The following HAPLN1 variants were observed in gnomAD, a reference collection of about 807,000 sequenced individuals.
HAPLN1 encodes Cartilage link protein.
A neutral mutation model predicts 36.5 loss-of-function variants in HAPLN1; 13 were observed. The observed-to-expected ratio is 0.36, with a 90% confidence interval of 0.23 to 0.57. The LOEUF is 0.57. HAPLN1 is among the 20% of genes least tolerant of loss of function. The pLI is 0.83. For missense variants in HAPLN1, 407 were observed against 439.7 expected (o/e 0.93, Z 0.66); for synonymous variants, 202 against 169.8 (o/e 1.19, Z -1.48).
chr5:83,709,110 C>T (rs953325930), intron 1 of HAPLN1, among the ~76,000 whole-genome samples: 4 of 152,150 alleles, frequency 2.6e-5, no homozygotes, highest in Non-Finnish European at 4.4e-5. Flanking sequence ...AACTCCAGAC[C>T]TCCCAAAGTG....
intron 1 of HAPLN1, among the ~76,000 whole-genome samples, chr5:83,675,116 G>A (rs28394217): frequency 0.053 from 8,093 of 152,092 alleles, 363 homozygotes; most frequent in East Asian, 0.17. Flanking sequence ...TGTTGTTGTT[G>A]TTGGTTGTTT....
At chr5:83,646,158 T>A (rs1028002774) in intron 3 of HAPLN1, among the ~76,000 whole-genome samples, 1 of 152,204 alleles carries the variant, frequency 6.6e-6, no homozygotes, top group Non-Finnish European at 1.5e-5. Context: ...GAAAGCAAAG[T>A]TGCATCACTT....
intron 1 of HAPLN1, among the ~76,000 whole-genome samples, chr5:83,702,876 T>A (rs73133899): frequency 2.1e-3 from 320 of 152,292 alleles, no homozygotes; most frequent in African/African-American, 7.4e-3. Context: ...CACACTTGAC[T>A]AATTTTTGCA....
At chr5:83,702,359 C>T (rs6898218) in intron 1 of HAPLN1, among the ~76,000 whole-genome samples, 150,941 of 152,354 alleles carry the variant, frequency 0.99, 74,782 homozygotes, top group East Asian at 1. Flanking sequence ...AACTTAAAAT[C>T]ACATTAGATA....
chr5:83,671,318 A>G (rs1580138922), intron 2 of HAPLN1, among the ~76,000 whole-genome samples: 1 of 152,332 alleles, frequency 6.6e-6, no homozygotes, highest in East Asian at 1.9e-4. Flanking sequence ...TTCCATCACT[A>G]ACAGAAGCTC....
At chr5:83,665,069 C>T (rs1391868988) in intron 2 of HAPLN1, among the ~76,000 whole-genome samples, 1 of 151,334 alleles carries the variant, frequency 6.6e-6, no homozygotes, top group East Asian at 1.9e-4. Flanking sequence ...TAATTGACAA[C>T]ATTTTTCAAG....
chr5:83,645,320 C>A (rs945073113), intron 3 of HAPLN1, among the ~76,000 whole-genome samples: 7 of 151,974 alleles, frequency 4.6e-5, no homozygotes, highest in Admixed American at 1.3e-4. Flanking sequence ...TTAGGGGGGA[C>A]TCTTATTTGG....
At chr5:83,662,183 G>A (rs532375306) in intron 2 of HAPLN1, among the ~76,000 whole-genome samples, 21 of 152,162 alleles carry the variant, frequency 1.4e-4, no homozygotes, top group Non-Finnish European at 2.1e-4. Context: ...GATTACAGGC[G>A]TGAACCACCA....
intron 4 of HAPLN1, 95 bp from the exon 5 acceptor site, chr5:83,641,880 G>A (rs1002685836): frequency 1.6e-6 from 2 of 1,264,318 alleles, no homozygotes; most frequent in Non-Finnish European, 2.2e-6. Flanking sequence ...CTCAATGAAG[G>A]GGGATATAGA....
chr5:83,650,674 G>A (rs1414073217), intron 3 of HAPLN1, among the ~76,000 whole-genome samples: 4 of 132,782 alleles, frequency 3.0e-5, no homozygotes, highest in East Asian at 4.4e-4. Flanking sequence ...TTGCTCTGTC[G>A]CCCAGGCTGG....
At chr5:83,680,483 C>T (rs1327861210) in intron 1 of HAPLN1, among the ~76,000 whole-genome samples, 1 of 152,104 alleles carries the variant, frequency 6.6e-6, no homozygotes, top group Non-Finnish European at 1.5e-5. Context: ...TAGGTATTCT[C>T]ACTATCTACT....
intron 1 of HAPLN1, among the ~76,000 whole-genome samples, chr5:83,699,940 A>T (rs1751469169): frequency 6.6e-6 from 1 of 152,184 alleles, no homozygotes; most frequent in African/African-American, 2.4e-5. Context: ...TCACACCTGT[A>T]ATCTCAGCAC....
chr5:83,692,286 C>A (rs970985298), intron 1 of HAPLN1, among the ~76,000 whole-genome samples: 2 of 151,732 alleles, frequency 1.3e-5, no homozygotes, highest in South Asian at 2.1e-4. Context: ...AGAATTTCAG[C>A]AAATATTCTA....
chr5:83,678,220 G>GTGTGTGTGTGTGTGTGT (rs1554049527), intron 1 of HAPLN1, among the ~76,000 whole-genome samples: 337 of 142,634 alleles, frequency 2.4e-3, no homozygotes, highest in Non-Finnish European at 4.1e-3. Flanking sequence ...CTATAGTTTG[G>GTGTGTGTGTGTGTGTGT]GTGTGTGTGT....
intron 1 of HAPLN1, among the ~76,000 whole-genome samples, chr5:83,719,431 G>A (rs1237816176): frequency 6.6e-6 from 1 of 152,090 alleles, no homozygotes; most frequent in Non-Finnish European, 1.5e-5. Flanking sequence ...AGTGGAAGAG[G>A]TCATCAACAA....
chr5:83,699,084 A>G (rs566334672), intron 1 of HAPLN1, among the ~76,000 whole-genome samples: 8 of 152,324 alleles, frequency 5.3e-5, no homozygotes, highest in African/African-American at 1.9e-4. Flanking sequence ...TTGTGTATAA[A>G]TTATTAACCA....
chr5:83,675,742 C>A (rs1177962443), intron 1 of HAPLN1, among the ~76,000 whole-genome samples: 2 of 152,130 alleles, frequency 1.3e-5, no homozygotes, highest in Non-Finnish European at 2.9e-5. Flanking sequence ...GATAAAAACA[C>A]CTTTCATGGA....
chr5:83,647,577 C>T (rs951091798), intron 3 of HAPLN1, among the ~76,000 whole-genome samples: 1 of 152,098 alleles, frequency 6.6e-6, no homozygotes, highest in Non-Finnish European at 1.5e-5. Flanking sequence ...TTGCAGAAAC[C>T]TTCTTGGCTC....
chr5:83,666,479 T>G (rs1750553697), intron 2 of HAPLN1, among the ~76,000 whole-genome samples: 1 of 152,158 alleles, frequency 6.6e-6, no homozygotes, highest in Non-Finnish European at 1.5e-5. Flanking sequence ...CTGTTTAGTA[T>G]GGATTTGTTA....
Sources: gnomAD v4.1 joint callset for allele counts (sites outside exome capture counted in the v4.1 genomes callset) on GRCh38, gnomAD v4.1.1 for gene constraint, MANE v1.5 for transcripts, NCBI Gene and HGNC (gene_info 2026-07-23, HGNC 2026-07-21) for gene names.